STK40: variants seen among roughly 807,000 people sequenced by gnomAD.
The protein encoded by STK40 is serine/threonine-protein kinase 40.
STK40 carries 13 observed loss-of-function variants against 47.9 expected under a neutral mutation model. The ratio of observed to expected loss-of-function variants is 0.27; its 90% confidence interval spans 0.18 to 0.43. The LOEUF (loss-of-function observed/expected upper bound fraction) is 0.43, where lower values mean the gene tolerates loss of function less well. Ranked by LOEUF, STK40 falls within the 20% of genes least tolerant of loss-of-function variation. The pLI is 1.00. For synonymous variants in STK40, 225 were observed against 243.2 expected (o/e 0.93, Z 0.69); for missense variants, 460 against 595.1 (o/e 0.77, Z 2.36).
chr1:36,376,565 C>T (rs1570466544), intron 1 of STK40, among the ~76,000 whole-genome samples: 1 of 152,200 alleles, frequency 6.6e-6, no homozygotes, highest in African/African-American at 2.4e-5. Context: ...CACACACACA[C>T]ATGCCCCCAA....
intron 1 of STK40, among the ~76,000 whole-genome samples, chr1:36,382,430 C>T (rs1296960172): frequency 1.3e-5 from 2 of 152,180 alleles, no homozygotes; most frequent in East Asian, 1.9e-4. Context: ...CTGCCCATCT[C>T]GGCCTCCCAA....
chr1:36,344,492 G>A (rs72901522), intron 7 of STK40, among the ~76,000 whole-genome samples: 5,385 of 152,260 alleles, frequency 0.035, 341 homozygotes, highest in African/African-American at 0.12. Flanking sequence ...TGCCCCGCCC[G>A]GCCAGATGGC....
Position 36,341,821 on chromosome 1 carries a change from G to T in STK40, c.1242C>A (p.Gly414=). The change falls in exon 11 of 11, where the codon GGC becomes GGA. Residue 414 remains glycine, a synonymous_variant. Transcript: ENST00000373132. ...FGSAPPVRRL[G]HDAQPMTSLD... is the part of the protein sequence containing the mutation. ...AGGAGGTCATGGGCTGTGCGTCGTG[G>T]CCCAGCCGTCGCACCGGTGGTGCGC... 6.2e-7 allele frequency: 1 copy of T among 1,613,400 alleles called. No homozygotes were observed. The highest frequency in any genetic ancestry group is 2.2e-5 in the East Asian group (1 of 44,864).
rs995612717 is a variant in STK40 at position 36,385,802 on chromosome 1, CG to C, written c.-89del. ...TGCTCGGCTCTCCCTCCCGGGGGGC[CG>C]GGGCCGGGCTGGAGGCGTGCGAGCC... On this transcript the variant is annotated 5_prime_UTR_variant, in exon 1 of 11. Coordinates refer to ENST00000373132, the MANE Select transcript of STK40 (RefSeq NM_001282547.2). The C allele has an allele frequency of 2.4e-5, 4 of 164,398 alleles. No homozygotes were observed. Among genetic ancestry groups the C allele is most frequent in the Non-Finnish European group, 3.9e-5 (3 of 77,682 alleles). The allele number at this position is 164,398 out of a possible 1,614,324, so 10.2% of individuals were successfully genotyped here. A position where few individuals can be genotyped will look rare whatever the true frequency, so the allele number is the denominator to read the frequency against.
chr1:36,376,651 G>A (rs1161453862), intron 1 of STK40, among the ~76,000 whole-genome samples: 1 of 152,204 alleles, frequency 6.6e-6, no homozygotes, highest in African/African-American at 2.4e-5. Context: ...TGGATACTAT[G>A]CAGCCTTTCC....
At chr1:36,384,230 A>G (rs1647065907) in intron 1 of STK40, among the ~76,000 whole-genome samples, 1 of 152,026 alleles carries the variant, frequency 6.6e-6, no homozygotes, top group South Asian at 2.1e-4. Context: ...GGGTTTCACC[A>G]TGTTAGCCAG....
intron 10 of STK40, 158 bp from the exon 11 acceptor site, chr1:36,342,131 C>T: frequency 1.4e-6 from 1 of 716,662 alleles, no homozygotes; most frequent in Non-Finnish European, 2.3e-6. Flanking sequence ...GGGAGTGGCG[C>T]TGAGGGTGGG....
intron 1 of STK40, among the ~76,000 whole-genome samples, chr1:36,370,615 T>G (rs566259509): frequency 6.6e-6 from 1 of 152,174 alleles, no homozygotes; most frequent in Non-Finnish European, 1.5e-5. Context: ...AGGTCTCTTG[T>G]AGATTCCTGC....
chr1:36,354,983 T>G (rs529396000), intron 5 of STK40, among the ~76,000 whole-genome samples: 120 of 152,280 alleles, frequency 7.9e-4, no homozygotes, highest in African/African-American at 2.6e-3. Context: ...TTGGCTGTGG[T>G]AATTACCACA....
At chr1:36,347,996 A>C (rs762971547) in intron 7 of STK40, among the ~76,000 whole-genome samples, 1 of 152,206 alleles carries the variant, frequency 6.6e-6, no homozygotes, top group African/African-American at 2.4e-5. Context: ...TCCCCACTAG[A>C]AAGTCAGCTC....
At chr1:36,380,761 C>T (rs1468872251) in intron 1 of STK40, among the ~76,000 whole-genome samples, 1 of 152,152 alleles carries the variant, frequency 6.6e-6, no homozygotes, top group Non-Finnish European at 1.5e-5. Context: ...TAAATCTGGG[C>T]AGAGGAAAGG....
intron 1 of STK40, chr1:36,372,633 CCAAGCACAGACTTACTTATAAA>C (rs1407050867): frequency 6.6e-6 from 1 of 152,134 alleles, no homozygotes; most frequent in African/African-American, 2.4e-5. Flanking sequence ...TCCAGGCATG[CCAAGCACAGACTTACTTATAAA>C]CAATCATTCT....
intron 1 of STK40, among the ~76,000 whole-genome samples, chr1:36,372,187 A>T (rs1646954070): frequency 1.3e-5 from 2 of 152,034 alleles, no homozygotes; most frequent in South Asian, 4.1e-4. Flanking sequence ...AAAATTTTCT[A>T]GAAAAAGAAA....
intron 6 of STK40, 33 bp downstream of exon 6, chr1:36,354,331 G>A: frequency 1.2e-6 from 2 of 1,612,850 alleles, no homozygotes; most frequent in Non-Finnish European, 1.7e-6. Flanking sequence ...CAGCCCCGGG[G>A]TAACTGTATG....
At chr1:36,349,696 T>G (rs1189358148) in intron 6 of STK40, among the ~76,000 whole-genome samples, 3 of 151,766 alleles carry the variant, frequency 2.0e-5, no homozygotes, top group African/African-American at 7.3e-5. Flanking sequence ...CTCTGATCCT[T>G]TGGAGAAAAC....
At chr1:36,377,184 T>C (rs1646998911) in intron 1 of STK40, among the ~76,000 whole-genome samples, 1 of 152,156 alleles carries the variant, frequency 6.6e-6, no homozygotes, top group African/African-American at 2.4e-5. Context: ...CATAAACTAT[T>C]AAACTAACAA....
chr1:36,377,512 AAC>A (rs1647001458), intron 1 of STK40, among the ~76,000 whole-genome samples: 1 of 147,788 alleles, frequency 6.8e-6, no homozygotes, highest in South Asian at 2.2e-4. Flanking sequence ...CAGCCTGGGC[AAC>A]AGAGTGAGAC....
intron 1 of STK40, among the ~76,000 whole-genome samples, 197 bp downstream of exon 1, chr1:36,385,526 G>A (rs1042711347): frequency 3.9e-5 from 6 of 152,120 alleles, no homozygotes; most frequent in African/African-American, 1.2e-4. Flanking sequence ...CCCGGTACCC[G>A]GCGCGAGGCA....
At position 36,363,890 on chromosome 1, in the gene STK40, A is replaced by G. The variant is rs1305281092; in HGVS notation, c.-8-2550T>C. ...TTGTCAGCCAAGCGCGGTGGCTCAC[A>G]CCTGTAATCCCAGCACTTTGGGAGG... On this transcript the variant is annotated intron_variant, in intron 1 of 10. Transcript: ENST00000373132. Among the ~76,000 whole-genome samples, 7 of 143,466 alleles carry G rather than the reference A, an allele frequency of 4.9e-5. 1 individual carries two copies. The highest frequency in any genetic ancestry group is 1.3e-4 in the African/African-American group (5 of 38,532). 94.1% of individuals were successfully genotyped at this position (143,466 alleles called of 152,430 possible). A position where few individuals can be genotyped will look rare whatever the true frequency, so the allele number is the denominator to read the frequency against.
Sources: allele counts gnomAD v4.1 joint callset (sites outside exome capture counted in the v4.1 genomes callset), GRCh38; gene constraint gnomAD v4.1.1; transcripts MANE v1.5; gene names NCBI Gene and HGNC (gene_info 2026-07-23, HGNC 2026-07-21).